Variants in ARK2C observed in about 807,000 individuals in gnomAD.
The protein encoded by ARK2C is E3 ubiquitin-protein ligase ARK2C.
the ARK2C span, among the ~76,000 whole-genome samples, chr18:46,393,385 A>G: frequency 6.6e-6 from 1 of 152,044 alleles, no homozygotes; most frequent in South Asian, 2.1e-4. Context: ...CTTCCCGCTG[A>G]CCACCAGCTC....
chr18:46,426,743 C>G, the ARK2C span, among the ~76,000 whole-genome samples: 2 of 152,226 alleles, frequency 1.3e-5, no homozygotes, highest in African/African-American at 4.8e-5. Flanking sequence ...CCTTCTTTCT[C>G]CCTACTCCCT....
the ARK2C span, among the ~76,000 whole-genome samples, chr18:46,426,342 A>C: frequency 1.3e-5 from 2 of 151,724 alleles, no homozygotes; most frequent in Non-Finnish European, 2.9e-5. Context: ...ATCCCCACCC[A>C]CCTTCCCCAC....
chr18:46,396,530 G>C, the ARK2C span, among the ~76,000 whole-genome samples: 272 of 152,322 alleles, frequency 1.8e-3, 1 homozygote, highest in African/African-American at 6.3e-3. Context: ...CTGGCACACA[G>C]TAGCTTTTCA....
At chr18:46,374,409 G>A in the ARK2C span, among the ~76,000 whole-genome samples, 3 of 151,888 alleles carry the variant, frequency 2.0e-5, no homozygotes, top group African/African-American at 7.3e-5. Context: ...CATTAAACAC[G>A]AACTCCCCAT....
chr18:46,437,554 A>G, the ARK2C span, among the ~76,000 whole-genome samples: 4 of 151,598 alleles, frequency 2.6e-5, no homozygotes, highest in African/African-American at 9.7e-5. Flanking sequence ...GTCCAGCCCA[A>G]GGTCGTCCAC....
the ARK2C span, among the ~76,000 whole-genome samples, chr18:46,363,927 T>A: frequency 3.3e-5 from 5 of 150,790 alleles, no homozygotes; most frequent in African/African-American, 1.2e-4. Flanking sequence ...TCTTTTCTTT[T>A]TTTTTCTTTT....
At chr18:46,405,613 C>T in the ARK2C span, among the ~76,000 whole-genome samples, 2 of 152,126 alleles carry the variant, frequency 1.3e-5, no homozygotes, top group Non-Finnish European at 2.9e-5. Flanking sequence ...GGGATGCTGA[C>T]CTGGGCCCCT....
At chr18:46,456,788 T>C in the ARK2C span, 18 of 654,356 alleles carry the variant, frequency 2.8e-5, no homozygotes, top group South Asian at 2.8e-4. Flanking sequence ...GGTATCGGTG[T>C]CGAGGGAGAG....
At chr18:46,360,260 T>A in the ARK2C span, among the ~76,000 whole-genome samples, 1 of 152,134 alleles carries the variant, frequency 6.6e-6, no homozygotes, top group Non-Finnish European at 1.5e-5. Flanking sequence ...GTGTTGGAGG[T>A]CTTCACTCCT....
chr18:46,450,957 A>G, the ARK2C span, among the ~76,000 whole-genome samples: 1 of 152,210 alleles, frequency 6.6e-6, no homozygotes, highest in African/African-American at 2.4e-5. Flanking sequence ...TCCCAGGGTC[A>G]TGTTACTTTT....
At chr18:46,336,147 T>C in the ARK2C span, 17 of 985,298 alleles carry the variant, frequency 1.7e-5, no homozygotes, top group South Asian at 7.5e-4. Context: ...CTCTTATTAC[T>C]TGGCATTTCC....
the ARK2C span, chr18:46,385,627 C>A: frequency 6.6e-6 from 1 of 152,200 alleles, no homozygotes; most frequent in Non-Finnish European, 1.5e-5. Flanking sequence ...ACAAGCCCCA[C>A]AGCCCCTGAT....
chr18:46,391,054 T>C, the ARK2C span, among the ~76,000 whole-genome samples: 8 of 152,212 alleles, frequency 5.3e-5, no homozygotes, highest in Admixed American at 3.3e-4. Context: ...TGGGTCTGAA[T>C]TGAACTCTGC....
chr18:46,434,407 A>G, the ARK2C span, among the ~76,000 whole-genome samples: 2 of 152,230 alleles, frequency 1.3e-5, no homozygotes, highest in African/African-American at 4.8e-5. Flanking sequence ...CTATATATAA[A>G]TTTAGTGAGA....
At chr18:46,385,552 T>A in the ARK2C span, among the ~76,000 whole-genome samples, 1 of 152,164 alleles carries the variant, frequency 6.6e-6, no homozygotes, top group Non-Finnish European at 1.5e-5. Context: ...ATTCTGCTCC[T>A]GTCTGCTGAT....
At chr18:46,393,268 C>A in the ARK2C span, among the ~76,000 whole-genome samples, 5 of 152,164 alleles carry the variant, frequency 3.3e-5, no homozygotes, top group African/African-American at 1.2e-4. Flanking sequence ...CTTAAGTTTG[C>A]GGAAAACTTT....
At chr18:46,403,968 T>C in the ARK2C span, among the ~76,000 whole-genome samples, 1 of 152,144 alleles carries the variant, frequency 6.6e-6, no homozygotes, top group Non-Finnish European at 1.5e-5. Flanking sequence ...AGAAGCTCAT[T>C]CTTTAGGGGA....
At chr18:46,441,861 CAAA>C in the ARK2C span, among the ~76,000 whole-genome samples, 2 of 122,062 alleles carry the variant, frequency 1.6e-5, no homozygotes, top group Non-Finnish European at 3.3e-5. Context: ...GACTCCATCT[CAAA>C]AAAAAAAAAA....
At chr18:46,427,536 G>A in the ARK2C span, among the ~76,000 whole-genome samples, 9 of 152,214 alleles carry the variant, frequency 5.9e-5, no homozygotes, top group Non-Finnish European at 7.3e-5. Context: ...GCCTGACCTG[G>A]CCCTCCCATG....
Sources: gnomAD v4.1 joint callset for allele counts (sites outside exome capture counted in the v4.1 genomes callset) on GRCh38, gnomAD v4.1.1 for gene constraint, MANE v1.5 for transcripts, NCBI Gene and HGNC (gene_info 2026-07-23, HGNC 2026-07-21) for gene names.